Variants in VGLL3 observed in about 807,000 individuals in gnomAD.
VGLL3 encodes transcription cofactor vestigial-like protein 3.
VGLL3 carries 18 observed loss-of-function variants against 29.2 expected under a neutral mutation model. That is an observed-to-expected ratio of 0.62 (90% CI 0.43 to 0.91). VGLL3 has a LOEUF of 0.91. Among genes scored for constraint, VGLL3 ranks in the 40% least tolerant of loss-of-function variants. The pLI, the probability that VGLL3 is intolerant of heterozygous loss-of-function variation, is 0.00. For missense variants in VGLL3, 440 were observed against 413.2 expected, an observed-to-expected ratio of 1.06 and a Z score of -0.56; for synonymous variants, 180 against 151.8, an observed-to-expected ratio of 1.19 and a Z score of -1.36.
At chr3:86,990,248 A>G in intron 1 of VGLL3, 1 of 950,704 alleles carries the variant, frequency 1.1e-6, no homozygotes, top group South Asian at 4.9e-5. Flanking sequence ...ACCCTGAAAC[A>G]TTCCATCTTT....
Position 86,990,660 on chromosome 3 carries a change from G to A in VGLL3, c.84C>T (p.Cys28=), listed in dbSNP as rs1305341201. The A allele has an allele frequency of 3.6e-6, 5 of 1,401,480 alleles. No individual in the cohort carries two copies. Among genetic ancestry groups the A allele is most frequent in the Admixed American group, 2.9e-5 (1 of 33,974 alleles). The allele number at this position is 1,401,480 out of a possible 1,614,324, so 86.8% of individuals were successfully genotyped here. The part of the protein sequence containing the change: ...YLPNPMAATT[C]PTAYYQPAPQ... ...GCGCCGGCTGATAGTAGGCTGTGGG[G>A]CAGGTTGTCGCTGCCATGGGGTTGG... Residue 28 remains cysteine, a synonymous_variant, in exon 1 of 4, where the codon TGC becomes TGT. Transcript: ENST00000398399.
At chr3:86,984,493 G>A (rs566332008) in intron 1 of VGLL3, among the ~76,000 whole-genome samples, 2 of 152,118 alleles carry the variant, frequency 1.3e-5, no homozygotes, top group Non-Finnish European at 2.9e-5. Context: ...GCTTAGAGGC[G>A]ATTTCAAAAT....
chr3:86,973,097 C>T (rs954586326), intron 2 of VGLL3, among the ~76,000 whole-genome samples: 49 of 151,194 alleles, frequency 3.2e-4, no homozygotes, highest in African/African-American at 1.1e-3. Context: ...ACATTACCTC[C>T]AAAAAAATTT....
At chr3:86,982,851 C>T (rs1480631295) in intron 1 of VGLL3, among the ~76,000 whole-genome samples, 4 of 152,044 alleles carry the variant, frequency 2.6e-5, no homozygotes, top group Non-Finnish European at 5.9e-5. Flanking sequence ...ACAATTTTTC[C>T]CTCGGTAAAA....
intron 3 of VGLL3, among the ~76,000 whole-genome samples, chr3:86,951,719 C>G (rs1031831402): frequency 6.6e-6 from 1 of 150,612 alleles, no homozygotes; most frequent in African/African-American, 2.4e-5. Context: ...TTACCTCAAA[C>G]CCTGTTTTAT....
At position 86,990,921 on chromosome 3, in the gene VGLL3, C is replaced by A; in HGVS notation, c.-178G>T. The A allele has an allele frequency of 9.1e-7, 1 of 1,103,702 alleles. No individual in the cohort carries two copies. Among genetic ancestry groups the A allele is most frequent in the Non-Finnish European group, 1.1e-6 (1 of 903,190 alleles). The allele number at this position is 1,103,702 out of a possible 1,614,324, so 68.4% of individuals were successfully genotyped here. A position where few individuals can be genotyped will look rare whatever the true frequency, so the allele number is the denominator to read the frequency against. Reference sequence around the variant, plus strand: ...GCGCGGGGCGCGGGGTCGGGAGGGACTGGCAATCAGCGGGGGCCCATGCGC... The same window carrying A: ...GCGCGGGGCGCGGGGTCGGGAGGGAATGGCAATCAGCGGGGGCCCATGCGC... On this transcript the variant is annotated 5_prime_UTR_variant, in exon 1 of 4. Transcript: ENST00000398399.
chr3:86,966,479 C>T (rs570150112), intron 3 of VGLL3, among the ~76,000 whole-genome samples: 1 of 151,988 alleles, frequency 6.6e-6, no homozygotes, highest in East Asian at 2.0e-4. Context: ...CTGTCCTAAA[C>T]CCATGCTGAC....
intron 3 of VGLL3, among the ~76,000 whole-genome samples, chr3:86,957,719 T>C (rs973107734): frequency 9.9e-5 from 15 of 152,202 alleles, no homozygotes; most frequent in Admixed American, 2.0e-4. Flanking sequence ...GATGCCTACA[T>C]TGACCAGGAT....
rs544611056 is a variant in VGLL3, at chr3:86,983,786, A to G, written c.127-4984T>C. ...GAGGTTGGGTCAAGTTAAGGAACATATATCACAAATCTTTTGTATATTTCA... is the reference window on the plus strand; with the variant it reads ...GAGGTTGGGTCAAGTTAAGGAACATGTATCACAAATCTTTTGTATATTTCA... On this transcript the variant is annotated intron_variant, in intron 1 of 3. Transcript: ENST00000398399. Among the ~76,000 whole-genome samples the G allele has an allele frequency of 1.7e-4, 26 of 152,340 alleles. No homozygotes were observed. In the East Asian group the frequency reaches 5.0e-3, roughly 29 times the overall value.
intron 1 of VGLL3, chr3:86,990,171 C>A: frequency 3.5e-6 from 1 of 281,860 alleles, no homozygotes; most frequent in Non-Finnish European, 5.4e-6. Flanking sequence ...CAGATCATTT[C>A]GTGAACTCAC....
intron 1 of VGLL3, among the ~76,000 whole-genome samples, chr3:86,981,911 A>C (rs1705333388): frequency 6.6e-6 from 1 of 152,148 alleles, no homozygotes. Flanking sequence ...TTAAAATAAG[A>C]ATCTCAAAGT....
At position 86,966,257 on chromosome 3, in the gene VGLL3, G is replaced by C. The variant is rs887065566; in HGVS notation, c.937+2333C>G. 4.6e-5 allele frequency among the ~76,000 whole-genome samples: 7 copies of C among 152,042 alleles called. 1 individual carries two copies. Among genetic ancestry groups the C allele is most frequent in the African/African-American group, 1.7e-4 (7 of 41,412 alleles). The stretch of plus-strand genomic sequence containing the variant: ...TGTATAACAAGGAAGGTGTCTACGG[G>C]AATCTTCTCTGAACTCTAGATTTTC... On this transcript the variant is annotated intron_variant, in intron 3 of 3. Transcript: ENST00000398399.
intron 1 of VGLL3, among the ~76,000 whole-genome samples, chr3:86,985,905 TAGAA>T (rs1705430700): frequency 6.6e-6 from 1 of 152,174 alleles, no homozygotes; most frequent in Non-Finnish European, 1.5e-5. Context: ...ACCCAGGTCT[TAGAA>T]TGACAGTCAC....
At chr3:86,959,431 G>A (rs1335977585) in intron 3 of VGLL3, among the ~76,000 whole-genome samples, 2 of 152,126 alleles carry the variant, frequency 1.3e-5, no homozygotes, top group African/African-American at 4.8e-5. Flanking sequence ...TCCCTGAGAA[G>A]AAGTGAAGTA....
At chr3:86,969,810 C>T (rs1281438228) in intron 2 of VGLL3, among the ~76,000 whole-genome samples, 2 of 151,754 alleles carry the variant, frequency 1.3e-5, no homozygotes, top group Non-Finnish European at 2.9e-5. Context: ...TTTCCAGGGG[C>T]TTTTCATGGA....
At position 86,944,496 on chromosome 3, in the gene VGLL3, G is replaced by A. The variant is rs62257344; in HGVS notation, c.*2528C>T. The A allele has an allele frequency of 6.6e-5, 10 of 152,390 alleles. No individual in the cohort carries two copies. Among genetic ancestry groups the A allele is most frequent in the Admixed American group, 2.6e-4 (4 of 15,278 alleles). 9.4% of individuals were successfully genotyped at this position (152,390 alleles called of 1,614,324 possible). A position where few individuals can be genotyped will look rare whatever the true frequency, so the allele number is the denominator to read the frequency against. On this transcript the variant is annotated 3_prime_UTR_variant, in exon 4 of 4. Coordinates refer to ENST00000398399, the MANE Select transcript of VGLL3 (RefSeq NM_016206.4). ...ACTCCTGGGCTCAAGCAATCCTCCCGAGCCTCTGCCTCCTATAATACTAGG... is the reference window on the plus strand; with the variant it reads ...ACTCCTGGGCTCAAGCAATCCTCCCAAGCCTCTGCCTCCTATAATACTAGG...
At chr3:86,958,416 C>T (rs1704769845) in intron 3 of VGLL3, among the ~76,000 whole-genome samples, 1 of 152,200 alleles carries the variant, frequency 6.6e-6, no homozygotes, top group Non-Finnish European at 1.5e-5. Context: ...CAAATTTACA[C>T]CACGTAACTA....
intron 2 of VGLL3, among the ~76,000 whole-genome samples, chr3:86,973,868 C>A (rs1006865172): frequency 3.9e-5 from 6 of 152,134 alleles, no homozygotes; most frequent in Non-Finnish European, 8.8e-5. Flanking sequence ...GTAAGATTAG[C>A]ATTCTGTATG....
At chr3:86,951,709 T>C (rs1704621483) in intron 3 of VGLL3, among the ~76,000 whole-genome samples, 1 of 149,022 alleles carries the variant, frequency 6.7e-6, no homozygotes, top group African/African-American at 2.5e-5. Flanking sequence ...CCTCTTTAGT[T>C]TACCTCAAAC....
Sources: allele counts gnomAD v4.1 joint callset (sites outside exome capture counted in the v4.1 genomes callset), GRCh38; gene constraint gnomAD v4.1.1; transcripts MANE v1.5; gene names NCBI Gene and HGNC (gene_info 2026-07-23, HGNC 2026-07-21).